Variants in ELMO1 observed in about 807,000 individuals in gnomAD.
The protein encoded by ELMO1 is engulfment and cell motility 1.
Under a neutral mutation model 98.9 loss-of-function variants are expected in ELMO1, and 26 were observed. The observed-to-expected ratio is 0.26, with a 90% CI of 0.19 to 0.36. ELMO1 has a LOEUF of 0.36. ELMO1 is among the 10% of genes least tolerant of loss of function. The pLI, the probability that ELMO1 is intolerant of heterozygous loss-of-function variation, is 1.00. For missense variants in ELMO1, 627 were observed against 935.2 expected (o/e 0.67, Z 4.30); for synonymous variants, 346 against 346.0 (o/e 1.00, Z 0.00).
intron 16 of ELMO1, 139 bp downstream of exon 16, chr7:37,013,160 C>T: frequency 1.4e-5 from 16 of 1,125,248 alleles, no homozygotes; most frequent in Non-Finnish European, 2.0e-5. Context: ...TGTCTTTCTC[C>T]ATTCTTGAAG....
intron 1 of ELMO1, among the ~76,000 whole-genome samples, chr7:37,380,103 G>A (rs1276153188): frequency 2.0e-5 from 3 of 152,164 alleles, no homozygotes; most frequent in African/African-American, 7.2e-5. Context: ...TATGAATTCT[G>A]TGAGGCATAA....
chr7:37,377,339 GC>G (rs1802393610), intron 1 of ELMO1, among the ~76,000 whole-genome samples: 1 of 151,878 alleles, frequency 6.6e-6, no homozygotes, highest in Admixed American at 6.6e-5. Flanking sequence ...AAGTGAAGGT[GC>G]CAGGCCATGT....
At chr7:37,161,999 A>C (rs552088691) in intron 13 of ELMO1, among the ~76,000 whole-genome samples, 1 of 137,846 alleles carries the variant, frequency 7.3e-6, no homozygotes, top group Admixed American at 7.5e-5. Flanking sequence ...AGGTCAACAC[A>C]AAAAAAAAGG....
At chr7:37,233,530 T>C (rs1794297451) in intron 7 of ELMO1, among the ~76,000 whole-genome samples, 1 of 152,178 alleles carries the variant, frequency 6.6e-6, no homozygotes, top group Non-Finnish European at 1.5e-5. Context: ...AACTAGATGG[T>C]GATATCTATC....
intron 21 of ELMO1, among the ~76,000 whole-genome samples, chr7:36,859,389 G>T (rs1200670751): frequency 1.3e-5 from 2 of 152,214 alleles, no homozygotes; most frequent in African/African-American, 4.8e-5. Flanking sequence ...ATGATATCCA[G>T]ATTTGCTTCA....
intron 1 of ELMO1, among the ~76,000 whole-genome samples, chr7:37,420,827 C>T (rs1050109915): frequency 5.9e-5 from 9 of 152,236 alleles, no homozygotes; most frequent in African/African-American, 2.2e-4. Flanking sequence ...CCTTCCAAAA[C>T]TTAGCCACAC....
intron 15 of ELMO1, among the ~76,000 whole-genome samples, chr7:37,049,935 G>A (rs1796013262): frequency 6.6e-6 from 1 of 151,844 alleles, no homozygotes; most frequent in Non-Finnish European, 1.5e-5. Flanking sequence ...GCGCCATCAT[G>A]CCTGGCTAAT....
chr7:36,968,534 A>ATTGAG (rs1789640820), intron 16 of ELMO1, among the ~76,000 whole-genome samples: 1 of 152,220 alleles, frequency 6.6e-6, no homozygotes, highest in African/African-American at 2.4e-5. Flanking sequence ...TGTAAAGCAC[A>ATTGAG]CTGGCATATT....
At chr7:37,132,046 T>C (rs1000233766) in intron 14 of ELMO1, among the ~76,000 whole-genome samples, 2 of 152,028 alleles carry the variant, frequency 1.3e-5, no homozygotes, top group African/African-American at 4.8e-5. Context: ...CGCCCACACA[T>C]TGCCAAATGC....
At chr7:37,325,444 G>A (rs978189809) in intron 2 of ELMO1, among the ~76,000 whole-genome samples, 1 of 152,168 alleles carries the variant, frequency 6.6e-6, no homozygotes, top group African/African-American at 2.4e-5. Flanking sequence ...TGGAGGCTCA[G>A]GGGAGCAGCT....
intron 16 of ELMO1, among the ~76,000 whole-genome samples, chr7:36,935,546 C>G (rs1412554178): frequency 3.9e-5 from 6 of 152,150 alleles, no homozygotes; most frequent in African/African-American, 1.2e-4. Flanking sequence ...AGGAGGCAAA[C>G]CATTTAGTGA....
At chr7:37,348,645 T>C (rs1171385911) in intron 1 of ELMO1, among the ~76,000 whole-genome samples, 2 of 152,142 alleles carry the variant, frequency 1.3e-5, no homozygotes, top group East Asian at 1.9e-4. Flanking sequence ...ACTCTTCCAC[T>C]AAATGTCTCC....
chr7:37,018,297 T>C (rs1794067210), intron 15 of ELMO1, among the ~76,000 whole-genome samples: 1 of 151,632 alleles, frequency 6.6e-6, no homozygotes, highest in Non-Finnish European at 1.5e-5. Context: ...TGGCTAATTG[T>C]GTATTTTTAG....
At chr7:37,067,340 T>C (rs1281439788) in intron 15 of ELMO1, among the ~76,000 whole-genome samples, 1 of 152,184 alleles carries the variant, frequency 6.6e-6, no homozygotes, top group East Asian at 1.9e-4. Context: ...GTGCTGAGCA[T>C]CTCACTACTT....
At chr7:37,014,632 C>A (rs1436848527) in intron 15 of ELMO1, among the ~76,000 whole-genome samples, 18 of 152,174 alleles carry the variant, frequency 1.2e-4, no homozygotes, top group Non-Finnish European at 2.2e-4. Context: ...CCAGTCCCCC[C>A]ACTCCCCAAC....
intron 13 of ELMO1, among the ~76,000 whole-genome samples, chr7:37,164,176 C>G (rs10262312): frequency 0.71 from 107,689 of 152,018 alleles, 40,731 homozygotes; most frequent in Non-Finnish European, 0.83. Flanking sequence ...CCCACTTTTT[C>G]ATGGGGTTGT....
At chr7:37,063,613 T>C (rs1796782881) in intron 15 of ELMO1, among the ~76,000 whole-genome samples, 1 of 152,160 alleles carries the variant, frequency 6.6e-6, no homozygotes, top group South Asian at 2.1e-4. Context: ...GATCACAGTC[T>C]TTCTCTTCAT....
At chr7:36,897,151 G>A (rs1424415711) in intron 16 of ELMO1, among the ~76,000 whole-genome samples, 1 of 152,170 alleles carries the variant, frequency 6.6e-6, no homozygotes, top group African/African-American at 2.4e-5. Flanking sequence ...AAGTGGGCAC[G>A]TGACCTGAAC....
At chr7:37,249,061 C>T (rs150868681) in intron 6 of ELMO1, among the ~76,000 whole-genome samples, 9 of 152,306 alleles carry the variant, frequency 5.9e-5, no homozygotes, top group African/African-American at 1.9e-4. Context: ...ACGTACATTT[C>T]GCTGAATCAA....
Sources: gnomAD v4.1 joint callset for allele counts (sites outside exome capture counted in the v4.1 genomes callset) on GRCh38, gnomAD v4.1.1 for gene constraint, MANE v1.5 for transcripts, NCBI Gene and HGNC (gene_info 2026-07-23, HGNC 2026-07-21) for gene names.